APP: variants seen among roughly 807,000 people sequenced by gnomAD.
APP encodes the protein amyloid-beta precursor protein.
In APP, 31 loss-of-function variants were observed where a neutral mutation model predicts 101.4. That is an observed-to-expected ratio of 0.31 (90% CI 0.23 to 0.41). The LOEUF (loss-of-function observed/expected upper bound fraction) is 0.41. Among genes scored for constraint, APP ranks in the 10% least tolerant of loss-of-function variants. The pLI is 1.00. For synonymous variants in APP, 366 were observed against 364.4 expected, an observed-to-expected ratio of 1.00 and a Z score of -0.05; for missense variants, 839 against 1,003.7, an observed-to-expected ratio of 0.84 and a Z score of 2.22.
chr21:26,094,396 C>T (rs749040806), intron 2 of APP, among the ~76,000 whole-genome samples: 22 of 151,938 alleles, frequency 1.4e-4, no homozygotes, highest in Non-Finnish European at 2.9e-4. Flanking sequence ...AGCCAACTCC[C>T]AGCTCAGAAA....
intron 13 of APP, among the ~76,000 whole-genome samples, chr21:25,932,038 T>C (rs765477561): frequency 1.3e-4 from 20 of 152,206 alleles, no homozygotes; most frequent in Non-Finnish European, 2.9e-4. Flanking sequence ...TAAAATAACA[T>C]GTTGTTGCTG....
At chr21:26,062,942 T>C (rs1460323388) in intron 3 of APP, among the ~76,000 whole-genome samples, 1 of 151,992 alleles carries the variant, frequency 6.6e-6, no homozygotes, top group Non-Finnish European at 1.5e-5. Context: ...TTTTGTATTT[T>C]TAGTAGACAT....
At position 25,975,255 on chromosome 21, in the gene APP, G is replaced by A. The variant is rs45533942; in HGVS notation, c.1300-27C>T. ...TGCCATCATAAACACATATGTCCAT[G>A]GGGACTGAATAAGTAGGATGAAGCA... On this transcript the variant is annotated intron_variant, in intron 10 of 17. Coordinates refer to ENST00000346798, the MANE Select transcript of APP (RefSeq NM_000484.4). 3,644 of 1,614,008 alleles carry A rather than the reference G, an allele frequency of 2.3e-3. 80 individuals carry two copies. The African/African-American group carries it at 0.042, about 19-fold the overall frequency.
At chr21:26,136,202 A>AAAGAAAGAAAGAAAAG (rs137962980) in intron 1 of APP, among the ~76,000 whole-genome samples, 1 of 100,604 alleles carries the variant, frequency 9.9e-6, no homozygotes, top group African/African-American at 4.2e-5. Context: ...AGAAAGAAAG[A>AAAGAAAGAAAGAAAAG]AAAGAAAAGA....
In APP at chr21:26,119,328, C is replaced by T. The variant is rs113956067; in HGVS notation, c.58-7182G>A. Among the ~76,000 whole-genome samples, 893 of 152,216 alleles carry T rather than the reference C, an allele frequency of 5.9e-3. 9 individuals carry two copies. The highest frequency in any genetic ancestry group is 0.019 in the African/African-American group (800 of 41,550). The stretch of plus-strand genomic sequence containing the variant: ...AAAATTACTTTTAGAGCAAGTAAAA[C>T]GGGAAGCAAACCCACAGCTTAAATG... On this transcript the variant is annotated intron_variant, in intron 1 of 17. Coordinates refer to ENST00000346798, the MANE Select transcript of APP (RefSeq NM_000484.4).
chr21:26,102,882 T>A (rs2146170847), intron 2 of APP, among the ~76,000 whole-genome samples: 1 of 101,688 alleles, frequency 9.8e-6, no homozygotes, highest in African/African-American at 4.2e-5. Flanking sequence ...GGAGTGGGAC[T>A]CTGTCTCAAA....
At chr21:26,065,718 G>A (rs1310571508) in intron 3 of APP, among the ~76,000 whole-genome samples, 1 of 152,150 alleles carries the variant, frequency 6.6e-6, no homozygotes, top group East Asian at 1.9e-4. Context: ...TTGAATGACA[G>A]CTTCCTCATT....
At chr21:25,896,702 CATTAGGGGGGAAAAGTGAT>C (rs2038073721) in intron 16 of APP, among the ~76,000 whole-genome samples, 1 of 152,108 alleles carries the variant, frequency 6.6e-6, no homozygotes, top group African/African-American at 2.4e-5. Context: ...CCAATTCTAA[CATTAGGGGGGAAAAGTGAT>C]TTCATCTGAA....
At chr21:26,048,512 AG>A (rs1470215910) in intron 5 of APP, among the ~76,000 whole-genome samples, 4 of 152,210 alleles carry the variant, frequency 2.6e-5, no homozygotes, top group Admixed American at 6.5e-5. Flanking sequence ...GGGCTGGATA[AG>A]CTTTCTACAA....
At chr21:26,053,104 A>T (rs903954715) in intron 4 of APP, 132 bp downstream of exon 4, 13 of 776,656 alleles carry the variant, frequency 1.7e-5, no homozygotes, top group African/African-American at 1.4e-4. Flanking sequence ...TGGGTTACGG[A>T]TAGTAGCACT....
intron 3 of APP, among the ~76,000 whole-genome samples, chr21:26,057,922 A>T (rs2046107649): frequency 6.6e-6 from 1 of 152,236 alleles, no homozygotes; most frequent in South Asian, 2.1e-4. Flanking sequence ...CAATAAAACT[A>T]GACTTAAATT....
intron 11 of APP, among the ~76,000 whole-genome samples, chr21:25,964,063 A>G (rs1484753799): frequency 6.6e-6 from 1 of 152,210 alleles, no homozygotes; most frequent in East Asian, 1.9e-4. Context: ...TTGAACAACT[A>G]ATCTCTATTA....
At chr21:25,933,294 G>A (rs977392565) in intron 13 of APP, among the ~76,000 whole-genome samples, 1 of 152,076 alleles carries the variant, frequency 6.6e-6, no homozygotes, top group African/African-American at 2.4e-5. Context: ...GTAGAGATGG[G>A]GTCTCACTAT....
In APP at chr21:25,955,746, C is replaced by T. The variant is rs1360205184; in HGVS notation, c.1468G>A (p.Val490Met). 4.3e-6 allele frequency: 7 copies of T among 1,614,008 alleles called. No homozygotes were observed. Among genetic ancestry groups the T allele is most frequent in the African/African-American group, 1.3e-5 (1 of 74,920 alleles). The change falls in exon 12 of 18, where the codon GTG becomes ATG. Residue 490 changes from valine to methionine, a missense_variant. Val to Met is a conservative substitution (Grantham distance 21). Transcript: ENST00000346798. ...ACATACTTCTTTAGCATATTGAACA[C>T]GTGACGAGGCTGTGGGAGGAAAATG... ...LQAVPPRPRH[V>M]FNMLKKYVRA...
chr21:26,060,309 T>A (rs1281689383), intron 3 of APP, among the ~76,000 whole-genome samples: 2 of 152,108 alleles, frequency 1.3e-5, no homozygotes. Flanking sequence ...ATGACAGCAA[T>A]CAACACAGCG....
chr21:26,049,088 T>C (rs1216066399), intron 5 of APP, among the ~76,000 whole-genome samples: 1 of 152,042 alleles, frequency 6.6e-6, no homozygotes, highest in Non-Finnish European at 1.5e-5. Context: ...AAATATTTCC[T>C]ACCAACTGTC....
intron 1 of APP, among the ~76,000 whole-genome samples, chr21:26,163,239 CAAAAAAAAAAAAAAAAA>C (rs58816061): frequency 1.7e-5 from 1 of 58,834 alleles, no homozygotes; most frequent in Non-Finnish European, 3.2e-5. Flanking sequence ...AACTCAGTCT[CAAAAAAAAAAAAAAAAA>C]AAAAAAAAAA....
chr21:26,000,282 C>T, intron 6 of APP, 100 bp from the exon 7 acceptor site: 1 of 1,460,204 alleles, frequency 6.8e-7, no homozygotes, highest in Non-Finnish European at 9.5e-7. Context: ...CCAGTGGCAA[C>T]CTGGACTGGT....
chr21:26,004,645 TTTTAA>T (rs928899871), intron 6 of APP, among the ~76,000 whole-genome samples: 7 of 152,144 alleles, frequency 4.6e-5, no homozygotes, highest in Admixed American at 4.6e-4. Context: ...AAGAAAAGAT[TTTTAA>T]TTTTTTTTCT....
Sources: gnomAD v4.1 joint callset for allele counts (sites outside exome capture counted in the v4.1 genomes callset) on GRCh38, gnomAD v4.1.1 for gene constraint, MANE v1.5 for transcripts, NCBI Gene and HGNC (gene_info 2026-07-23, HGNC 2026-07-21) for gene names.